Variants in DDB1 observed in about 807,000 individuals in gnomAD.
The protein encoded by DDB1 is damage specific DNA binding protein 1.
A neutral mutation model predicts 133.1 loss-of-function variants in DDB1; 18 were observed. The observed-to-expected ratio is 0.14, with a 90% CI of 0.09 to 0.20. The LOEUF is 0.20. DDB1 is among the 10% of genes least tolerant of loss of function. The pLI, the probability that DDB1 is intolerant of heterozygous loss-of-function variation, is 1.00. For synonymous variants in DDB1, 580 were observed against 550.5 expected (o/e 1.05, Z -0.75); for missense variants, 828 against 1,459.2 (o/e 0.57, Z 7.05).
Position 61,323,351 on chromosome 11 carries a change from T to G in DDB1, c.922-257A>C, listed in dbSNP as rs897319282. 86 of 477,038 alleles carry G rather than the reference T, an allele frequency of 1.8e-4. 2 individuals are homozygous for G. The South Asian group carries it at 2.1e-3, about 12-fold the overall frequency. 29.6% of individuals were successfully genotyped at this position (477,038 alleles called of 1,614,324 possible). A position where few individuals can be genotyped will look rare whatever the true frequency, so the allele number is the denominator to read the frequency against. On this transcript the variant is annotated intron_variant, in intron 7 of 26. Transcript: ENST00000301764. The stretch of plus-strand genomic sequence containing the variant: ...TATTCCTGCTCCAAAAGATACTGCC[T>G]AAGTATTAATATTAAACTTTTTGGG...
intron 10 of DDB1, among the ~76,000 whole-genome samples, chr11:61,316,942 GATAGATATATATATATATATATATAT>G (rs1242283383): frequency 0.036 from 968 of 27,064 alleles, 102 homozygotes; most frequent in Middle Eastern, 0.091. Context: ...AAAAAAAAAG[GATAGATATATATATATATATATATAT>G]ATATATATAT....
At chr11:61,300,352 CCA>C in intron 26 of DDB1, 133 bp from the exon 27 acceptor site, 2 of 880,076 alleles carry the variant, frequency 2.3e-6, no homozygotes, top group Non-Finnish European at 3.6e-6. Flanking sequence ...CACCAGAAAC[CCA>C]CGCCTCCCCC....
At chr11:61,305,607 G>A (rs1855871093) in intron 21 of DDB1, among the ~76,000 whole-genome samples, 1 of 152,132 alleles carries the variant, frequency 6.6e-6, no homozygotes, top group African/African-American at 2.4e-5. Flanking sequence ...ACCTTGCTGG[G>A]CCTCCACACC....
At chr11:61,313,819 C>T (rs770216646) in intron 15 of DDB1, 43 bp downstream of exon 15, 1 of 1,608,730 alleles carries the variant, frequency 6.2e-7, no homozygotes, top group East Asian at 2.2e-5. Context: ...AATTCTAATA[C>T]TCTATTTTTG....
intron 18 of DDB1, 93 bp downstream of exon 18, chr11:61,311,691 G>A (rs1283348030): frequency 8.9e-7 from 1 of 1,122,232 alleles, no homozygotes; most frequent in Non-Finnish European, 1.3e-6. Context: ...AGACCACACT[G>A]CCTGCAAAGC....
chr11:61,325,977 C>G, intron 5 of DDB1: 2 of 523,736 alleles, frequency 3.8e-6, no homozygotes, highest in South Asian at 2.2e-5. Flanking sequence ...ATGTTCTTCC[C>G]CATGCATTCT....
At chr11:61,327,184 T>C (rs927941855) in intron 4 of DDB1, among the ~76,000 whole-genome samples, 1 of 152,188 alleles carries the variant, frequency 6.6e-6, no homozygotes, top group Admixed American at 6.5e-5. Flanking sequence ...TAAGAGATAC[T>C]GTGTGCCAGG....
chr11:61,317,938 C>T (rs113848058), intron 10 of DDB1, among the ~76,000 whole-genome samples: 1 of 152,160 alleles, frequency 6.6e-6, no homozygotes, highest in Non-Finnish European at 1.5e-5. Context: ...GAGGATCTTG[C>T]TATGTTGCTC....
At chr11:61,311,659 G>T in intron 18 of DDB1, 125 bp downstream of exon 18, 1 of 786,770 alleles carries the variant, frequency 1.3e-6, no homozygotes, top group Non-Finnish European at 2.0e-6. Flanking sequence ...CGATGGCAAA[G>T]TTGAACAGTC....
intron 23 of DDB1, 83 bp from the exon 24 acceptor site, chr11:61,302,834 G>A: frequency 1.9e-6 from 3 of 1,549,542 alleles, no homozygotes; most frequent in Non-Finnish European, 2.6e-6. Context: ...AGTGGTCACG[G>A]TGCTCAATTT....
At chr11:61,313,744 A>G (rs1461524540) in intron 15 of DDB1, 38 bp from the exon 16 acceptor site, 1 of 1,580,722 alleles carries the variant, frequency 6.3e-7, no homozygotes, top group Non-Finnish European at 8.6e-7. Context: ...GGAAGAAAGA[A>G]AACAGGACAA....
In DDB1 at chr11:61,316,501, C is replaced by A. The variant is rs754794513; in HGVS notation, c.1292G>T (p.Gly431Val). The change falls in exon 11 of 27, where the codon GGC becomes GTC. Residue 431 changes from glycine to valine, a missense_variant. This residue lies in a region of DDB1 where 396 missense variants were observed against 554.1 expected (regional missense o/e 0.71). Coordinates refer to ENST00000301764, the MANE Select transcript of DDB1 (RefSeq NM_001923.5). ...CTAGACCCATCCTTACCTTGTCTGGCCCACAAAAGAGAGCACCAAAGTGTC... is the reference window on the plus strand; with the variant it reads ...CTAGACCCATCCTTACCTTGTCTGGACCACAAAAGAGAGCACCAAAGTGTC... ...TDDTLVLSFV[G>V]QTRVLMLNGE... 5 of 1,614,156 alleles carry A rather than the reference C, an allele frequency of 3.1e-6. No individual in the cohort carries two copies. The highest frequency in any genetic ancestry group is 4.2e-6 in the Non-Finnish European group (5 of 1,180,042).
chr11:61,331,817 C>G (rs1856380385), intron 1 of DDB1, 126 bp from the exon 2 acceptor site: 1 of 1,316,006 alleles, frequency 7.6e-7, no homozygotes, highest in African/African-American at 1.5e-5. Flanking sequence ...TCTCCAACTC[C>G]CTCCAGCTAC....
intron 2 of DDB1, among the ~76,000 whole-genome samples, chr11:61,330,479 G>A (rs1483492517): frequency 1.3e-5 from 2 of 152,118 alleles, no homozygotes; most frequent in African/African-American, 4.8e-5. Flanking sequence ...GATCAACAAA[G>A]TCCTACTTAT....
chr11:61,316,941 G>GGATA (rs1241889144), intron 10 of DDB1, among the ~76,000 whole-genome samples: 85 of 19,344 alleles, frequency 4.4e-3, no homozygotes, highest in South Asian at 0.024. Flanking sequence ...AAAAAAAAAA[G>GGATA]GATAGATATA....
rs754828791 is a variant in DDB1 at position 61,312,060 on chromosome 11, G to A, written c.2094C>T (p.Thr698=). 1 of 1,614,222 alleles carries A rather than the reference G, an allele frequency of 6.2e-7. No individual in the cohort carries two copies. Among genetic ancestry groups the A allele is most frequent in the East Asian group, 2.2e-5 (1 of 44,884 alleles). Residue 698 remains threonine, a synonymous_variant, in exon 17 of 27, where the codon ACC becomes ACT. Transcript: ENST00000301764. ...TCTCATCGATGGTGCCAATGGTGAG[G>A]GTGCTATTGTTGGCCAGCGCCAGGC... The part of the protein sequence containing the change: ...PDSLALANNS[T]LTIGTIDEIQ...
At chr11:61,320,888 T>C (rs563637648) in intron 10 of DDB1, among the ~76,000 whole-genome samples, 6 of 145,770 alleles carry the variant, frequency 4.1e-5, no homozygotes, top group Non-Finnish European at 7.6e-5. Flanking sequence ...TAGCCTCTCT[T>C]TTTTTTTTTT....
chr11:61,332,660 T>C (rs1856415199), intron 1 of DDB1: 1 of 392,632 alleles, frequency 2.5e-6, no homozygotes, highest in South Asian at 8.7e-5. Context: ...GGGCCCGCCC[T>C]GTTCTCGAGG....
intron 21 of DDB1, among the ~76,000 whole-genome samples, chr11:61,305,854 A>C (rs895399039): frequency 2.6e-5 from 4 of 152,224 alleles, no homozygotes; most frequent in African/African-American, 9.6e-5. Context: ...AAATGTGCCT[A>C]GTCCATGTTG....
Sources: gnomAD v4.1 joint callset for allele counts (sites outside exome capture counted in the v4.1 genomes callset) on GRCh38, gnomAD v4.1.1 for gene constraint, gnomAD v4.1.1 regional missense constraint, MANE v1.5 for transcripts, NCBI Gene and HGNC (gene_info 2026-07-23, HGNC 2026-07-21) for gene names.